DNMT1: variants seen among roughly 807,000 people sequenced by gnomAD.
DNMT1 encodes DNA (cytosine-5)-methyltransferase 1.
In DNMT1, 24 loss-of-function variants were observed where a neutral mutation model predicts 205.3. The ratio of observed to expected loss-of-function variants is 0.12; its 90% CI spans 0.08 to 0.16. The LOEUF is 0.16. Among genes scored for constraint, DNMT1 ranks in the 10% least tolerant of loss-of-function variants. The pLI is 1.00. For missense variants in DNMT1, 1,293 were observed against 2,177.7 expected (o/e 0.59, Z 8.09); for synonymous variants, 817 against 839.8 (o/e 0.97, Z 0.47).
intron 1 of DNMT1, among the ~76,000 whole-genome samples, chr19:10,189,422 ATTTT>A (rs35245682): frequency 7.4e-6 from 1 of 135,222 alleles, no homozygotes; most frequent in Non-Finnish European, 1.6e-5. Flanking sequence ...CGCCCAGCTG[ATTTT>A]TTTTTTTTTT....
rs199715388 is a variant in DNMT1 at position 10,180,363 on chromosome 19, A to G, written c.432T>C (p.Asp144=). The G allele has an allele frequency of 1.8e-5, 29 of 1,612,868 alleles. No individual in the cohort carries two copies. The African/African-American group carries it at 2.8e-4, about 16-fold the overall frequency. ...ATCTGCTCTTACGCTTAGCCTCTCCATCGGACTTGCTCCTCCTGGGCGTGC... is the reference window on the plus strand; with the variant it reads ...ATCTGCTCTTACGCTTAGCCTCTCCGTCGGACTTGCTCCTCCTGGGCGTGC... The part of the protein sequence containing the change: ...KPRTPRRSKS[D]GEAKRSRDPP... Residue 144 remains aspartate, a synonymous_variant, in exon 4 of 41, where the codon GAT becomes GAC. Transcript: ENST00000359526.
At chr19:10,144,409 C>CAA in intron 28 of DNMT1, 2 of 193,422 alleles carry the variant, frequency 1.0e-5, no homozygotes, top group East Asian at 1.4e-4. Context: ...CTCCATCTCA[C>CAA]AGAAAAAAAA....
At chr19:10,136,938 T>C (rs2089495063) in intron 37 of DNMT1, 147 bp downstream of exon 37, 1 of 1,130,292 alleles carries the variant, frequency 8.8e-7, no homozygotes, top group Admixed American at 2.0e-5. Flanking sequence ...CTTTTACTAC[T>C]CAACATGGTC....
chr19:10,137,340 G>A lies in DNMT1; in HGVS notation c.4294-60C>T. 6.5e-7 allele frequency: 1 copy of A among 1,547,558 alleles called. No individual in the cohort carries two copies. Among genetic ancestry groups the A allele is most frequent in the South Asian group, 1.2e-5 (1 of 84,538 alleles). The stretch of plus-strand genomic sequence containing the variant: ...TGTGAGCAGCATCCGAGCATCCATG[G>A]TGGGCTGGGAGCTGGGAACACCATG... On this transcript the variant is annotated intron_variant, in intron 36 of 40. Coordinates refer to ENST00000359526, the MANE Select transcript of DNMT1 (RefSeq NM_001130823.3). This position sits in a 1 kb window ranked among gnomAD's most constrained non-coding sequence, Gnocchi z 6.4.
Position 10,137,149 on chromosome 19 carries a change from G to A in DNMT1, c.4425C>T (p.His1475=), listed in dbSNP as rs1274835966. ...GTMARKLRYT[H]HDRKNGRSSS... is the part of the protein sequence containing the mutation. ...TGCTGCGGCCGTTCTTCCTGTCATG[G>A]TGGGTATACCGCAGCTTCCTGGCCA... is the stretch of plus-strand genomic sequence containing the variant. Residue 1475 remains histidine (H), a synonymous_variant, in exon 37 of 41, where the codon CAC becomes CAT. Coordinates refer to ENST00000359526, the MANE Select transcript of DNMT1 (RefSeq NM_001130823.3). The surrounding 1 kb of genome is among the most constrained non-coding windows in gnomAD (Gnocchi z 6.4). The A allele has an allele frequency of 6.2e-7, 1 of 1,610,660 alleles. No homozygotes were observed. Among genetic ancestry groups the A allele is most frequent in the South Asian group, 1.1e-5 (1 of 90,378 alleles).
At chr19:10,166,456 C>G in intron 11 of DNMT1, 142 bp downstream of exon 11, 1 of 993,586 alleles carries the variant, frequency 1.0e-6, no homozygotes. Context: ...AAAAGGTGAC[C>G]TTCCCAGAGT....
At chr19:10,135,169 C>T (rs1377190539) in intron 39 of DNMT1, among the ~76,000 whole-genome samples, 1 of 147,532 alleles carries the variant, frequency 6.8e-6, no homozygotes, top group Non-Finnish European at 1.5e-5. Flanking sequence ...GCTGAGATCA[C>T]GCCACTTCAC....
chr19:10,134,092 G>T, intron 40 of DNMT1, 125 bp downstream of exon 40: 1 of 934,914 alleles, frequency 1.1e-6, no homozygotes, highest in Non-Finnish European at 1.7e-6. Flanking sequence ...GAAAGATGGG[G>T]CCACGAACGT....
Position 10,138,048 on chromosome 19 carries a change from C to T in DNMT1, c.4116-39G>A, listed in dbSNP as rs371795281. ...GGAGGTCAACACCTCTGGAGATGCA[C>T]GCAGCAGCTGTCCCCTCATCACAGG... On this transcript the variant is annotated intron_variant, in intron 35 of 40. Coordinates refer to ENST00000359526, the MANE Select transcript of DNMT1 (RefSeq NM_001130823.3). This position sits in a 1 kb window ranked among gnomAD's most constrained non-coding sequence, Gnocchi z 4.1. 1.1e-5 allele frequency: 18 copies of T among 1,588,826 alleles called. No homozygotes were observed. The highest frequency in any genetic ancestry group is 3.5e-5 in the Admixed American group (2 of 56,942).
At chr19:10,148,082 C>T (rs1400181389) in intron 27 of DNMT1, among the ~76,000 whole-genome samples, 1 of 129,962 alleles carries the variant, frequency 7.7e-6, no homozygotes, top group African/African-American at 3.0e-5. Flanking sequence ...AGCCACTGCA[C>T]TCCAGCCTGG....
intron 1 of DNMT1, among the ~76,000 whole-genome samples, chr19:10,184,803 G>C (rs2039146248): frequency 6.6e-6 from 1 of 152,222 alleles, no homozygotes; most frequent in Admixed American, 6.5e-5. Context: ...AGGTGCCCCA[G>C]GCAGGGACCA....
At chr19:10,183,437 A>G (rs1403040838) in intron 1 of DNMT1, among the ~76,000 whole-genome samples, 4 of 152,142 alleles carry the variant, frequency 2.6e-5, no homozygotes, top group African/African-American at 9.7e-5. Context: ...AAGGTACCAG[A>G]GACCAGGCAT....
intron 29 of DNMT1, 28 bp from the exon 30 acceptor site, chr19:10,142,248 G>C: frequency 1.2e-6 from 2 of 1,613,522 alleles, no homozygotes; most frequent in Non-Finnish European, 1.7e-6. Flanking sequence ...CTCGTTAGGA[G>C]CTCTCCTTTG....
chr19:10,149,935 A>C lies in DNMT1; in HGVS notation c.2299T>G (p.Cys767Gly), dbSNP rs760149381. 10 of 1,614,108 alleles carry C rather than the reference A, an allele frequency of 6.2e-6. No individual in the cohort carries two copies. In the Admixed American group the frequency reaches 1.7e-4, roughly 27 times the overall value. The change falls in exon 25 of 41, where the codon TGC becomes GGC. Residue 767 changes from cysteine to glycine, a missense_variant. Cys to Gly is a radical substitution (Grantham distance 159). This residue lies in a region of DNMT1 where 197 missense variants were observed against 353.6 expected (regional missense o/e 0.56). Transcript: ENST00000359526. ...ACTTCCAGGGTTTCCGCATCAATGC[A>C]CACCTTCTTATAGTAACTCTTCTTC... ...DGKKSYYKKV[C>G]IDAETLEVGD...
chr19:10,182,622 A>G (rs1471829794), intron 1 of DNMT1, among the ~76,000 whole-genome samples: 2 of 151,220 alleles, frequency 1.3e-5, no homozygotes, highest in African/African-American at 4.9e-5. Context: ...ATATATGTGT[A>G]TATATATACA....
intron 30 of DNMT1, chr19:10,141,436 A>G: frequency 2.0e-6 from 1 of 511,300 alleles, no homozygotes; most frequent in South Asian, 2.0e-5. Flanking sequence ...AGTACCTTCT[A>G]GAACAGGAAA....
At position 10,163,182 on chromosome 19, in the gene DNMT1, G is replaced by A; in HGVS notation, c.926+144C>T. The A allele has an allele frequency of 1.2e-5, 11 of 886,242 alleles. 1 individual carries two copies. In the South Asian group the frequency reaches 1.5e-4, roughly 12 times the overall value. The allele number at this position is 886,242 out of a possible 1,614,324, so 54.9% of individuals were successfully genotyped here. A position where few individuals can be genotyped will look rare whatever the true frequency, so the allele number is the denominator to read the frequency against. On this transcript the variant is annotated intron_variant, in intron 12 of 40. Transcript: ENST00000359526. ...CCACCATGTTGGCCAGGCTAGGCTG[G>A]TCTCGAACTCCTGACCTCAGGTGAT...
intron 19 of DNMT1, 84 bp downstream of exon 19, chr19:10,155,769 A>G: frequency 7.0e-7 from 1 of 1,435,162 alleles, no homozygotes; most frequent in Non-Finnish European, 9.6e-7. Flanking sequence ...GAGAATTCCC[A>G]CCAGAGCCCC....
At chr19:10,184,747 T>C (rs1311858915) in intron 1 of DNMT1, among the ~76,000 whole-genome samples, 1 of 152,048 alleles carries the variant, frequency 6.6e-6, no homozygotes, top group East Asian at 1.9e-4. Flanking sequence ...GACTGCGGGG[T>C]GAGAACAGGC....
Sources: allele counts gnomAD v4.1 joint callset (sites outside exome capture counted in the v4.1 genomes callset), GRCh38; gene constraint gnomAD v4.1.1; regional missense constraint gnomAD v4.1.1; non-coding constraint Gnocchi (gnomAD v3.1); transcripts MANE v1.5; gene names NCBI Gene and HGNC (gene_info 2026-07-23, HGNC 2026-07-21).